Variants in MME observed in about 807,000 individuals in gnomAD.
MME encodes the protein neprilysin.
MME carries 98 observed loss-of-function variants against 113.2 expected under a neutral mutation model. That is an observed-to-expected ratio of 0.87 (90% confidence interval 0.74 to 1.02). The LOEUF (loss-of-function observed/expected upper bound fraction) is 1.02, where lower values mean the gene tolerates loss of function less well. Among genes scored for constraint, MME ranks in the 50% least tolerant of loss-of-function variants. MME has a pLI of 0.00. For missense variants in MME, 836 were observed against 896.0 expected, an observed-to-expected ratio of 0.93 and a Z score of 0.86; for synonymous variants, 292 against 300.6, an observed-to-expected ratio of 0.97 and a Z score of 0.30.
rs530272976 is a variant in MME at position 155,160,694 on chromosome 3, A to G, written c.1660+246A>G. Among the ~76,000 whole-genome samples the G allele has an allele frequency of 1.1e-3, 163 of 152,168 alleles. 1 individual carries two copies. The highest frequency in any genetic ancestry group is 3.8e-3 in the African/African-American group (157 of 41,558). ...TACAATATTCTTATTTATATCTAAAATGGTTTATCTTATTTCTAAATATTT... is the reference window on the plus strand; with the variant it reads ...TACAATATTCTTATTTATATCTAAAGTGGTTTATCTTATTTCTAAATATTT... On this transcript the variant is annotated intron_variant, in intron 17 of 22. Coordinates refer to ENST00000360490, the MANE Select transcript of MME (RefSeq NM_007289.4).
intron 1 of MME, among the ~76,000 whole-genome samples, chr3:155,034,652 T>C (rs749652343): frequency 6.6e-6 from 1 of 152,146 alleles, no homozygotes; most frequent in African/African-American, 2.4e-5. Flanking sequence ...AAACTGGGTG[T>C]TTCATTTTGA....
chr3:155,095,113 C>A (rs1169163534), intron 3 of MME, among the ~76,000 whole-genome samples: 1 of 152,164 alleles, frequency 6.6e-6, no homozygotes, highest in Non-Finnish European at 1.5e-5. Flanking sequence ...TTGAAATGTA[C>A]CCATACTACT....
At position 155,084,756 on chromosome 3, in the gene MME, G is replaced by GT. The variant is rs1715510160; in HGVS notation, c.161-301dup. Among the ~76,000 whole-genome samples, 3 of 152,058 alleles carry GT rather than the reference G, an allele frequency of 2.0e-5. No homozygotes were observed. The South Asian group carries it at 6.2e-4, about 32-fold the overall frequency. On this transcript the variant is annotated intron_variant, in intron 2 of 22. Coordinates refer to ENST00000360490, the MANE Select transcript of MME (RefSeq NM_007289.4). ...ATGAAAAAAGATTGATTGTTTAATG[G>GT]TTAAAAAAATGATTACCAAGCAAAA...
At chr3:155,141,252 G>T (rs893337533) in intron 10 of MME, among the ~76,000 whole-genome samples, 5 of 152,258 alleles carry the variant, frequency 3.3e-5, no homozygotes, top group Non-Finnish European at 7.4e-5. Context: ...TAATAAATAC[G>T]TTTTGAAAGA....
At chr3:155,161,187 T>G (rs1454951020) in intron 17 of MME, among the ~76,000 whole-genome samples, 1 of 152,088 alleles carries the variant, frequency 6.6e-6, no homozygotes, top group Non-Finnish European at 1.5e-5. Flanking sequence ...CATATATCAC[T>G]TATCACATAC....
At chr3:155,064,491 T>C (rs1714321294) in intron 1 of MME, among the ~76,000 whole-genome samples, 1 of 152,196 alleles carries the variant, frequency 6.6e-6, no homozygotes, top group Non-Finnish European at 1.5e-5. Context: ...CTGAGGCATA[T>C]ACGAAATGTG....
chr3:155,038,714 C>A (rs1484864016), intron 1 of MME, among the ~76,000 whole-genome samples: 1 of 152,124 alleles, frequency 6.6e-6, no homozygotes, highest in Non-Finnish European at 1.5e-5. Flanking sequence ...TTCTTCTTTA[C>A]AATTTCGTGT....
At chr3:155,060,607 T>C (rs915605105) in intron 1 of MME, among the ~76,000 whole-genome samples, 1 of 152,066 alleles carries the variant, frequency 6.6e-6, no homozygotes, top group Non-Finnish European at 1.5e-5. Context: ...AGGACAAGAT[T>C]CAGGGAGGGT....
chr3:155,148,483 TG>T lies in MME; in HGVS notation c.1498-66del, dbSNP rs1215979687. The T allele has an allele frequency of 1.7e-5, 18 of 1,079,604 alleles. No homozygotes were observed. In the Admixed American group the frequency reaches 2.9e-4, roughly 17 times the overall value. 66.9% of individuals were successfully genotyped at this position (1,079,604 alleles called of 1,614,324 possible). Reference sequence around the variant, plus strand: ...CTGATATAATTTAAGAAAATCCCTATGTTTTTAGCAAAAATTTAGAAGATAC... The same window carrying T: ...CTGATATAATTTAAGAAAATCCCTATTTTTTAGCAAAAATTTAGAAGATAC... On this transcript the variant is annotated intron_variant, in intron 15 of 22. Transcript: ENST00000360490.
chr3:155,156,493 T>C (rs967153818), intron 16 of MME, among the ~76,000 whole-genome samples: 2 of 152,192 alleles, frequency 1.3e-5, no homozygotes, highest in African/African-American at 4.8e-5. Flanking sequence ...AGCAGGTTCC[T>C]ATTCTTCTTA....
chr3:155,092,237 A>C (rs1716357461), intron 3 of MME, among the ~76,000 whole-genome samples: 1 of 152,236 alleles, frequency 6.6e-6, no homozygotes, highest in African/African-American at 2.4e-5. Flanking sequence ...ATGCTTTAGA[A>C]ATAATGCTTT....
chr3:155,025,962 T>A (rs1712769316), intron 1 of MME, among the ~76,000 whole-genome samples: 1 of 151,886 alleles, frequency 6.6e-6, no homozygotes, highest in African/African-American at 2.4e-5. Flanking sequence ...TTTTGCAGAC[T>A]AAAAGATATC....
intron 18 of MME, 123 bp from the exon 19 acceptor site, chr3:155,168,369 A>C: frequency 1.1e-6 from 1 of 890,484 alleles, no homozygotes. Flanking sequence ...AGTCTCTCTC[A>C]TCGTCTGCCT....
At chr3:155,125,124 C>T (rs1719512724) in intron 8 of MME, among the ~76,000 whole-genome samples, 1 of 82,524 alleles carries the variant, frequency 1.2e-5, no homozygotes, top group Non-Finnish European at 2.9e-5. Context: ...TCTCGTGGTG[C>T]GCCGTTTTTA....
Position 155,138,116 on chromosome 3 carries a change from T to A in MME, c.735T>A (p.Tyr245Ter). Residue 245 changes from tyrosine to a stop codon, truncating the protein, a stop_gained, in exon 9 of 23, where the codon TAT (tyrosine) becomes TAA (stop). Coordinates refer to ENST00000360490, the MANE Select transcript of MME (RefSeq NM_007289.4). LOFTEE classifies it high-confidence loss of function. ...TGIYKEACTA[Y>*]VDFMISVARL... ...TTTTCTTGCAGGCTTGTACAGCATA[T>A]GTGGATTTTATGATTTCTGTGGCCA... 6.2e-7 allele frequency: 1 copy of A among 1,613,782 alleles called. No individual in the cohort carries two copies. The highest frequency in any genetic ancestry group is 8.5e-7 in the Non-Finnish European group (1 of 1,179,780).
intron 3 of MME, among the ~76,000 whole-genome samples, chr3:155,104,318 A>G (rs1406613993): frequency 6.6e-6 from 1 of 152,150 alleles, no homozygotes; most frequent in Non-Finnish European, 1.5e-5. Flanking sequence ...ATCTTCTATG[A>G]CAGAAAATAG....
Position 155,168,754 on chromosome 3 carries a change from G to A in MME, c.1937G>A (p.Gly646Glu). The A allele has an allele frequency of 6.2e-7, 1 of 1,613,452 alleles. No individual in the cohort carries two copies. The highest frequency in any genetic ancestry group is 2.2e-5 in the East Asian group (1 of 44,812). ...CAGCTTAATGGAATTAATACACTGG[G>A]AGAAAACATTGCTGATAATGGAGGT... ...GQHLNGINTL[G>E]ENIADNGGLG... Residue 646 changes from glycine to glutamate, a missense_variant, in exon 20 of 23, where the codon GGA becomes GAA. By Grantham distance (98) the Gly-to-Glu change is moderately conservative (BLOSUM62 -2). Transcript: ENST00000360490.
chr3:155,147,015 A>G, intron 14 of MME, 129 bp from the exon 15 acceptor site: 1 of 675,264 alleles, frequency 1.5e-6, no homozygotes, highest in African/African-American at 1.8e-5. Context: ...ATCTCTGTTT[A>G]AGTATGTCAG....
intron 3 of MME, among the ~76,000 whole-genome samples, chr3:155,095,547 A>G (rs967148995): frequency 1.3e-5 from 2 of 151,920 alleles, no homozygotes; most frequent in Non-Finnish European, 2.9e-5. Context: ...AATTAATTTT[A>G]TTTTTTATTT....
Sources: gnomAD v4.1 joint callset for allele counts (sites outside exome capture counted in the v4.1 genomes callset) on GRCh38, gnomAD v4.1.1 for gene constraint, MANE v1.5 for transcripts, NCBI Gene and HGNC (gene_info 2026-07-23, HGNC 2026-07-21) for gene names.